RYR2: variants seen among roughly 807,000 people sequenced by gnomAD.
RYR2 encodes cardiac muscle ryanodine receptor-calcium release channel.
In RYR2, 227 loss-of-function variants were observed where a neutral mutation model predicts 601.1. The observed-to-expected ratio is 0.38, with a 90% CI of 0.34 to 0.42. The LOEUF (loss-of-function observed/expected upper bound fraction) is 0.42, where lower values mean the gene tolerates loss of function less well. RYR2 is among the 10% of genes least tolerant of loss of function. The pLI, the probability that RYR2 is intolerant of heterozygous loss-of-function variation, is 1.00. For missense variants in RYR2, 4,646 were observed against 6,156.5 expected (o/e 0.75, Z 8.21); for synonymous variants, 2,223 against 2,175.1 (o/e 1.02, Z -0.61).
intron 1 of RYR2, among the ~76,000 whole-genome samples, chr1:237,088,562 G>C (rs1666613102): frequency 6.6e-6 from 1 of 152,078 alleles, no homozygotes; most frequent in Non-Finnish European, 1.5e-5. Flanking sequence ...AGGGGCATTG[G>C]TGTTGTACGT....
At chr1:237,073,713 TA>T (rs1205072824) in intron 1 of RYR2, among the ~76,000 whole-genome samples, 2 of 151,612 alleles carry the variant, frequency 1.3e-5, no homozygotes, top group Non-Finnish European at 2.9e-5. Context: ...TCACTAAAAA[TA>T]AAAAAAATTA....
intron 1 of RYR2, among the ~76,000 whole-genome samples, chr1:237,164,700 C>T (rs1038168557): frequency 2.6e-5 from 4 of 152,130 alleles, no homozygotes; most frequent in Non-Finnish European, 5.9e-5. Flanking sequence ...TGAAAGGTCA[C>T]GGCAACCTCT....
intron 1 of RYR2, among the ~76,000 whole-genome samples, chr1:237,117,102 T>A (rs553730531): frequency 6.6e-6 from 1 of 152,226 alleles, no homozygotes; most frequent in South Asian, 2.1e-4. Flanking sequence ...AAGGCCTGTG[T>A]CATGGAAGGC....
chr1:237,788,917 CTCCTA>C (rs1309484242), intron 92 of RYR2, among the ~76,000 whole-genome samples: 6 of 151,984 alleles, frequency 3.9e-5, no homozygotes, highest in Non-Finnish European at 7.4e-5. Flanking sequence ...ATATATGTGT[CTCCTA>C]TCCTTTTCCT....
chr1:237,761,024 A>T lies in RYR2; in HGVS notation c.11472A>T (p.Gly3824=). 1 of 1,563,666 alleles carries T rather than the reference A, an allele frequency of 6.4e-7. No homozygotes were observed. Among genetic ancestry groups the T allele is most frequent in the Non-Finnish European group, 8.7e-7 (1 of 1,149,150 alleles). ...GTCTTGGGATGGTGACAGAGGAAGG[A>T]TCAGGTATTAATGACTTACATTAAA... ...AEGLGMVTEE[G]SGEKVLQDDE... is the part of the protein sequence containing the mutation. Residue 3824 remains glycine (G), a synonymous_variant, in exon 84 of 105, where the codon GGA becomes GGT. Transcript: ENST00000366574.
chr1:237,705,204 C>G lies in RYR2; in HGVS notation c.9450-9C>G. 6.2e-7 allele frequency: 1 copy of G among 1,604,172 alleles called. No individual in the cohort carries two copies. Among genetic ancestry groups the G allele is most frequent in the Non-Finnish European group, 8.5e-7 (1 of 1,174,182 alleles). On this transcript the variant is annotated splice_polypyrimidine_tract_variant and intron_variant, in intron 66 of 104. Coordinates refer to ENST00000366574, the MANE Select transcript of RYR2 (RefSeq NM_001035.3). Reference sequence around the variant, plus strand: ...AAGACCTTAAAACATAAGCATTTTCCACTTATAGGCAACGTTCTGCATTAG... The same window carrying G: ...AAGACCTTAAAACATAAGCATTTTCGACTTATAGGCAACGTTCTGCATTAG...
rs2149126008 is a variant in RYR2 at position 237,723,273 on chromosome 1, G to C, written c.10689+11G>C. On this transcript the variant is annotated intron_variant, in intron 74 of 104. Coordinates refer to ENST00000366574, the MANE Select transcript of RYR2 (RefSeq NM_001035.3). ...TTTCATCTTGAACAGGTCAGGCTTTGTGTCAATTCAATCATATTTGCCTTA... is the reference window on the plus strand; with the variant it reads ...TTTCATCTTGAACAGGTCAGGCTTTCTGTCAATTCAATCATATTTGCCTTA... 6.2e-7 allele frequency: 1 copy of C among 1,603,214 alleles called. No homozygotes were observed. Among genetic ancestry groups the C allele is most frequent in the Non-Finnish European group, 8.5e-7 (1 of 1,173,976 alleles).
At chr1:237,264,118 G>C (rs1461473563) in intron 1 of RYR2, among the ~76,000 whole-genome samples, 2 of 108,688 alleles carry the variant, frequency 1.8e-5, no homozygotes, top group South Asian at 3.3e-4. Context: ...CACACACACA[G>C]GTGCATACAC....
chr1:237,620,297 A>G (rs1678933400), intron 38 of RYR2, among the ~76,000 whole-genome samples: 2 of 152,172 alleles, frequency 1.3e-5, no homozygotes, highest in African/African-American at 2.4e-5. Flanking sequence ...AGGTATGTAT[A>G]TAAAATAATA....
intron 1 of RYR2, among the ~76,000 whole-genome samples, chr1:237,182,735 T>TAGTTTTTC (rs1454352218): frequency 6.6e-6 from 1 of 152,138 alleles, no homozygotes; most frequent in Non-Finnish European, 1.5e-5. Flanking sequence ...TCTATTATAA[T>TAGTTTTTC]AGTTTTTCTG....
rs75401379 is a variant in RYR2 at position 237,556,979 on chromosome 1, A to G, written c.3214+6288A>G. On this transcript the variant is annotated intron_variant, in intron 27 of 104. Transcript: ENST00000366574. ...TCTGTGGGTTATGAATGTGAGTGATAGGTGGTTCTGGATCATAGTCTCTCT... is the reference window on the plus strand; with the variant it reads ...TCTGTGGGTTATGAATGTGAGTGATGGGTGGTTCTGGATCATAGTCTCTCT... Among the ~76,000 whole-genome samples the G allele has an allele frequency of 4.2e-3, 629 of 149,150 alleles. 4 individuals are homozygous for G. The highest frequency in any genetic ancestry group is 0.014 in the African/African-American group (586 of 40,676).
At chr1:237,586,178 G>A (rs2148406431) in intron 29 of RYR2, among the ~76,000 whole-genome samples, 1 of 151,986 alleles carries the variant, frequency 6.6e-6, no homozygotes, top group Admixed American at 6.5e-5. Flanking sequence ...AAAATGCTTT[G>A]GTAACACCTG....
At chr1:237,094,784 G>C (rs998852870) in intron 1 of RYR2, among the ~76,000 whole-genome samples, 1 of 152,058 alleles carries the variant, frequency 6.6e-6, no homozygotes, top group African/African-American at 2.4e-5. Flanking sequence ...GTAGAGACGG[G>C]GTTTCACCGT....
intron 12 of RYR2, among the ~76,000 whole-genome samples, chr1:237,433,035 G>T (rs74232346): frequency 0.14 from 12,387 of 85,882 alleles, 638 homozygotes; most frequent in Non-Finnish European, 0.18. Flanking sequence ...GACTGTGTGT[G>T]GGGGGGGGTA....
rs992427440 is a variant in RYR2 at position 237,267,141 on chromosome 1, A to G, written c.49-3356A>G. 4.6e-5 allele frequency among the ~76,000 whole-genome samples: 7 copies of G among 152,228 alleles called. 1 individual carries two copies. Among genetic ancestry groups the G allele is most frequent in the African/African-American group, 1.4e-4 (6 of 41,460 alleles). On this transcript the variant is annotated intron_variant, in intron 1 of 104. Coordinates refer to ENST00000366574, the MANE Select transcript of RYR2 (RefSeq NM_001035.3). The stretch of plus-strand genomic sequence containing the variant: ...ACGAGCTCTAATTTCTGATTTGTCC[A>G]AAGTGCACAGGCTTATTTTAATATT...
At chr1:237,351,820 A>T (rs547932951) in intron 3 of RYR2, among the ~76,000 whole-genome samples, 2 of 148,908 alleles carry the variant, frequency 1.3e-5, no homozygotes, top group African/African-American at 2.5e-5. Context: ...TGAGGCCAAC[A>T]TAACCCTGAT....
chr1:237,579,248 C>CTTTTTTTTTTTTT (rs546960253), intron 29 of RYR2, among the ~76,000 whole-genome samples: 3 of 68,096 alleles, frequency 4.4e-5, no homozygotes, highest in African/African-American at 1.5e-4. Context: ...TCTTCTTCTT[C>CTTTTTTTTTTTTT]TTTTTTTTTT....
chr1:237,488,124 T>C (rs1662902371), intron 17 of RYR2, among the ~76,000 whole-genome samples: 1 of 152,120 alleles, frequency 6.6e-6, no homozygotes, highest in Non-Finnish European at 1.5e-5. Context: ...CCTTCATGAG[T>C]GTTTATTTTA....
intron 5 of RYR2, 152 bp from the exon 6 acceptor site, chr1:237,369,382 A>G (rs1221489532): frequency 1.4e-6 from 1 of 709,754 alleles, no homozygotes; most frequent in Non-Finnish European, 2.6e-6. Flanking sequence ...TGTATACATT[A>G]TTTCAACAGC....
Sources: gnomAD v4.1 joint callset for allele counts (sites outside exome capture counted in the v4.1 genomes callset) on GRCh38, gnomAD v4.1.1 for gene constraint, MANE v1.5 for transcripts, NCBI Gene and HGNC (gene_info 2026-07-23, HGNC 2026-07-21) for gene names.